MEIS1: variants seen among roughly 807,000 people sequenced by gnomAD.
MEIS1 encodes Meis homeobox 1, also known as homeobox protein Meis1.
In MEIS1, 5 loss-of-function variants were observed where a neutral mutation model predicts 50.8. That is an observed-to-expected ratio of 0.10 (90% confidence interval 0.05 to 0.21). MEIS1 has a LOEUF of 0.21. Among genes scored for constraint, MEIS1 ranks in the 10% least tolerant of loss-of-function variants. The probability of loss-of-function intolerance (pLI) is 1.00; values close to 1 mark genes in which losing one functional copy is unlikely to be tolerated. For synonymous variants in MEIS1, 176 were observed against 179.3 expected (o/e 0.98, Z 0.15); for missense variants, 318 against 517.3 (o/e 0.61, Z 3.74).
chr2:66,490,591 T>A, intron 7 of MEIS1, among the ~76,000 whole-genome samples: 1 of 152,200 alleles, frequency 6.6e-6, no homozygotes, highest in South Asian at 2.1e-4. Flanking sequence ...TAGGGAGACC[T>A]TTCTTTTTTT....
intron 6 of MEIS1, among the ~76,000 whole-genome samples, chr2:66,459,302 C>T (rs1400077320): frequency 1.3e-5 from 2 of 152,086 alleles, no homozygotes; most frequent in Admixed American, 1.3e-4. Flanking sequence ...AAATCATGTG[C>T]AATGGGATGT....
chr2:66,511,250 T>A (rs1422959292), intron 7 of MEIS1, among the ~76,000 whole-genome samples: 1 of 152,216 alleles, frequency 6.6e-6, no homozygotes, highest in Non-Finnish European at 1.5e-5. Context: ...TATTTTTTCT[T>A]ATTAAACATG....
intron 7 of MEIS1, among the ~76,000 whole-genome samples, chr2:66,481,384 T>A (rs1055520314): frequency 1.2e-4 from 19 of 152,228 alleles, no homozygotes; most frequent in African/African-American, 4.3e-4. Context: ...GTGGCATTTC[T>A]TGTCACTTCC....
In MEIS1 at chr2:66,436,135, G is replaced by GT. The variant is rs201718076; in HGVS notation, c.12+276dup. ...AATGCAAGCTCAAACAATCATCTGG[G>GT]TTTTTTTTTAAAAAAGCTAGATACC... On this transcript the variant is annotated intron_variant, in intron 1 of 12. Transcript: ENST00000272369. Among the ~76,000 whole-genome samples, 1,179 of 151,284 alleles carry GT rather than the reference G, an allele frequency of 7.8e-3. 10 individuals carry two copies. The highest frequency in any genetic ancestry group is 0.013 in the African/African-American group (520 of 41,256).
chr2:66,489,819 C>G (rs964658468), intron 7 of MEIS1, among the ~76,000 whole-genome samples: 1 of 152,302 alleles, frequency 6.6e-6, no homozygotes, highest in East Asian at 1.9e-4. Context: ...AAACAATTCT[C>G]AAATGCAGGT....
intron 6 of MEIS1, among the ~76,000 whole-genome samples, chr2:66,454,092 G>T (rs950098681): frequency 2.6e-5 from 4 of 151,764 alleles, no homozygotes; most frequent in African/African-American, 9.7e-5. Context: ...TGTAAAATGG[G>T]GATAGTAACA....
chr2:66,509,457 G>A (rs1446757966), intron 7 of MEIS1, among the ~76,000 whole-genome samples: 1 of 152,198 alleles, frequency 6.6e-6, no homozygotes, highest in African/African-American at 2.4e-5. Flanking sequence ...AGCTGTATTT[G>A]CCTAAAAACA....
chr2:66,543,522 TAA>T (rs1674707675), intron 8 of MEIS1, among the ~76,000 whole-genome samples: 1 of 152,156 alleles, frequency 6.6e-6, no homozygotes, highest in Admixed American at 6.5e-5. Context: ...CAAACCAGCC[TAA>T]TACACATGTG....
At chr2:66,547,396 G>A (rs981280695) in intron 8 of MEIS1, among the ~76,000 whole-genome samples, 4 of 151,488 alleles carry the variant, frequency 2.6e-5, no homozygotes, top group Non-Finnish European at 5.9e-5. Flanking sequence ...GGTGAATTTT[G>A]TTTTTTTTGC....
In MEIS1 at chr2:66,471,651, T is replaced by G. The variant is rs1672763415; in HGVS notation, c.742+7431T>G. ...AAGTAGTAAGGAAGTATATGAATAATGATGTTGTGTCAGTTCATCATTTAG... is the reference window on the plus strand; with the variant it reads ...AAGTAGTAAGGAAGTATATGAATAAGGATGTTGTGTCAGTTCATCATTTAG... On this transcript the variant is annotated intron_variant, in intron 7 of 12. Coordinates refer to ENST00000272369, the MANE Select transcript of MEIS1 (RefSeq NM_002398.3). Among the ~76,000 whole-genome samples, 6 of 152,234 alleles carry G rather than the reference T, an allele frequency of 3.9e-5. No individual in the cohort carries two copies. In the South Asian group the frequency reaches 1.2e-3, roughly 32 times the overall value.
At chr2:66,460,105 T>C (rs532284371) in intron 6 of MEIS1, among the ~76,000 whole-genome samples, 6 of 152,200 alleles carry the variant, frequency 3.9e-5, no homozygotes, top group Non-Finnish European at 5.9e-5. Context: ...GTGGTAACTT[T>C]ATTCAGGAAG....
intron 10 of MEIS1, 194 bp downstream of exon 10, chr2:66,567,705 G>GA (rs958399132): frequency 2.2e-4 from 144 of 644,270 alleles, no homozygotes; most frequent in Middle Eastern, 1.0e-3. Context: ...GGAGAAGGTG[G>GA]AAAAAAAAAG....
intron 9 of MEIS1, among the ~76,000 whole-genome samples, chr2:66,554,124 G>A (rs962841418): frequency 5.9e-5 from 9 of 152,192 alleles, no homozygotes; most frequent in African/African-American, 1.9e-4. Flanking sequence ...ACCCTGTAGG[G>A]TTGGGGTTCA....
intron 7 of MEIS1, among the ~76,000 whole-genome samples, chr2:66,487,219 T>C (rs1191644444): frequency 6.6e-6 from 1 of 152,196 alleles, no homozygotes; most frequent in African/African-American, 2.4e-5. Flanking sequence ...TACATATCAT[T>C]TTTTAGCATT....
chr2:66,532,051 T>C (rs1674405420), intron 8 of MEIS1, among the ~76,000 whole-genome samples: 1 of 152,118 alleles, frequency 6.6e-6, no homozygotes, highest in East Asian at 1.9e-4. Context: ...TTATAACCAG[T>C]TTTAGTGGGT....
At chr2:66,563,081 T>A (rs1675258318) in intron 9 of MEIS1, among the ~76,000 whole-genome samples, 1 of 152,216 alleles carries the variant, frequency 6.6e-6, no homozygotes, top group African/African-American at 2.4e-5. Context: ...GTCATGTGGC[T>A]GTGTACTCCT....
At chr2:66,438,521 G>A (rs1465378597) in intron 2 of MEIS1, among the ~76,000 whole-genome samples, 1 of 152,236 alleles carries the variant, frequency 6.6e-6, no homozygotes, top group Admixed American at 6.5e-5. Flanking sequence ...AAGGAGAGGA[G>A]CTTGCTCTGA....
intron 7 of MEIS1, among the ~76,000 whole-genome samples, chr2:66,476,919 G>C (rs1188013540): frequency 6.6e-6 from 1 of 152,146 alleles, no homozygotes; most frequent in Non-Finnish European, 1.5e-5. Flanking sequence ...AAATTAGCTT[G>C]TGTAAAGGTA....
At chr2:66,520,933 T>C (rs1042227923) in intron 8 of MEIS1, among the ~76,000 whole-genome samples, 5 of 152,216 alleles carry the variant, frequency 3.3e-5, no homozygotes, top group Non-Finnish European at 7.4e-5. Flanking sequence ...TCAAATCGCG[T>C]TGTGGGAGTT....
Sources: allele counts gnomAD v4.1 joint callset (sites outside exome capture counted in the v4.1 genomes callset), GRCh38; gene constraint gnomAD v4.1.1; transcripts MANE v1.5; gene names NCBI Gene and HGNC (gene_info 2026-07-23, HGNC 2026-07-21).